Variants in CPNE4 observed in about 807,000 individuals in gnomAD.
CPNE4 encodes the protein copine-4.
In CPNE4, 25 loss-of-function variants were observed where a neutral mutation model predicts 67.9. The ratio of observed to expected loss-of-function variants is 0.37; its 90% CI spans 0.27 to 0.51. CPNE4 has a LOEUF of 0.51. Among genes scored for constraint, CPNE4 ranks in the 20% least tolerant of loss-of-function variants. The pLI, the probability that CPNE4 is intolerant of heterozygous loss-of-function variation, is 0.93. For missense variants in CPNE4, 464 were observed against 690.8 expected, an observed-to-expected ratio of 0.67 and a Z score of 3.68; for synonymous variants, 242 against 244.9, an observed-to-expected ratio of 0.99 and a Z score of 0.11.
chr3:131,653,268 C>T (rs1004603001), intron 7 of CPNE4, among the ~76,000 whole-genome samples: 4 of 151,840 alleles, frequency 2.6e-5, no homozygotes, highest in Non-Finnish European at 5.9e-5. Context: ...CCTCAGCCTC[C>T]TGAGTAGCTG....
intron 2 of CPNE4, among the ~76,000 whole-genome samples, chr3:131,851,461 A>T (rs1485763892): frequency 6.6e-6 from 1 of 152,042 alleles, no homozygotes; most frequent in Non-Finnish European, 1.5e-5. Context: ...TAGGACCATT[A>T]CCCTCCAAAT....
Position 131,689,498 on chromosome 3 carries a change from AC to A in CPNE4, c.508-3541del, listed in dbSNP as rs897837493. ...GGAAAAAAGGTTTTGATAAGATCCAACATCCCTTCATGATAAAAACCCTCAA... is the reference window on the plus strand; with the variant it reads ...GGAAAAAAGGTTTTGATAAGATCCAAATCCCTTCATGATAAAAACCCTCAA... On this transcript the variant is annotated intron_variant, in intron 5 of 15. Transcript: ENST00000429747. Among the ~76,000 whole-genome samples the A allele has an allele frequency of 9.8e-5, 15 of 152,306 alleles. 1 individual carries two copies. Among genetic ancestry groups the A allele is most frequent in the Admixed American group, 6.5e-4 (10 of 15,286 alleles).
At chr3:131,890,421 A>T (rs981346099) in intron 2 of CPNE4, among the ~76,000 whole-genome samples, 209 of 147,836 alleles carry the variant, frequency 1.4e-3, no homozygotes, top group African/African-American at 4.9e-3. Flanking sequence ...AGGCATTATT[A>T]TTTTTTTTTT....
chr3:131,762,555 T>C (rs1036006852), intron 2 of CPNE4, among the ~76,000 whole-genome samples: 1 of 151,910 alleles, frequency 6.6e-6, no homozygotes, highest in Admixed American at 6.6e-5. Flanking sequence ...TTGCTGAAGA[T>C]AGAACAGTGA....
At position 131,786,037 on chromosome 3, in the gene CPNE4, C is replaced by T. The variant is rs927909967; in HGVS notation, c.181-62412G>A. On this transcript the variant is annotated intron_variant, in intron 2 of 15. Coordinates refer to ENST00000429747, the MANE Select transcript of CPNE4 (RefSeq NM_130808.3). ...TTCCATATCTATGGAGGGGCTTAAC[C>T]GCAAGGCCCAAAGCCTCTTCTCTTG... Among the ~76,000 whole-genome samples, 7 of 151,910 alleles carry T rather than the reference C, an allele frequency of 4.6e-5. No individual in the cohort carries two copies. In the South Asian group the frequency reaches 6.2e-4, roughly 14 times the overall value.
intron 2 of CPNE4, among the ~76,000 whole-genome samples, chr3:131,775,289 C>G (rs1005595602): frequency 1.3e-5 from 2 of 152,004 alleles, no homozygotes; most frequent in African/African-American, 4.8e-5. Context: ...TTCTTTAAAA[C>G]TTTTGACTTT....
intron 1 of CPNE4, among the ~76,000 whole-genome samples, chr3:131,953,031 T>C (rs986345421): frequency 1.4e-4 from 21 of 150,514 alleles, no homozygotes; most frequent in South Asian, 2.1e-4. Context: ...GTTAAACAGA[T>C]GCTTGAAGGC....
chr3:131,585,027 G>A (rs1938084726), intron 8 of CPNE4, among the ~76,000 whole-genome samples: 1 of 152,092 alleles, frequency 6.6e-6, no homozygotes, highest in Non-Finnish European at 1.5e-5. Context: ...ATCACACCAA[G>A]CTCAGCCCTG....
rs527901323 is a variant in CPNE4 at position 131,634,141 on chromosome 3, TAAA to T, written c.681+35531_681+35533del. 6.8e-3 allele frequency among the ~76,000 whole-genome samples: 1,042 copies of T among 152,268 alleles called. 12 individuals carry two copies. The highest frequency in any genetic ancestry group is 0.024 in the African/African-American group (997 of 41,570). The stretch of plus-strand genomic sequence containing the variant: ...ATACTGCAACCCTTGGTACATTTAA[TAAA>T]AATATACTCTTATTCTTTATCTTAC... On this transcript the variant is annotated intron_variant, in intron 7 of 15. Transcript: ENST00000429747.
At chr3:131,546,836 C>A (rs1262810869) in intron 14 of CPNE4, among the ~76,000 whole-genome samples, 36 of 152,158 alleles carry the variant, frequency 2.4e-4, no homozygotes, top group Admixed American at 2.4e-3. Flanking sequence ...GCCTTGGATG[C>A]TCTTGAGGAT....
intron 7 of CPNE4, among the ~76,000 whole-genome samples, chr3:131,627,193 C>CAAAAAAAAAAAAA (rs57977015): frequency 4.4e-5 from 3 of 68,286 alleles, no homozygotes; most frequent in Non-Finnish European, 7.0e-5. Context: ...GACTCCATCT[C>CAAAAAAAAAAAAA]AAAAAAAAAA....
chr3:132,019,194 A>G (rs922161257), intron 1 of CPNE4, among the ~76,000 whole-genome samples: 2 of 152,226 alleles, frequency 1.3e-5, no homozygotes, highest in Non-Finnish European at 1.5e-5. Context: ...AGCCAGGAAC[A>G]ATATTTACAA....
At chr3:131,815,022 G>T (rs1028628046) in intron 2 of CPNE4, among the ~76,000 whole-genome samples, 1 of 152,196 alleles carries the variant, frequency 6.6e-6, no homozygotes, top group South Asian at 2.1e-4. Flanking sequence ...TAAGAGACTG[G>T]TTGGTCTGGT....
At chr3:131,946,998 G>A (rs1170145925) in intron 1 of CPNE4, among the ~76,000 whole-genome samples, 1 of 152,154 alleles carries the variant, frequency 6.6e-6, no homozygotes, top group Non-Finnish European at 1.5e-5. Context: ...CTCTTGTCAA[G>A]AATCAATTGG....
chr3:131,898,881 G>T (rs1307663535), intron 2 of CPNE4, among the ~76,000 whole-genome samples: 1 of 151,864 alleles, frequency 6.6e-6, no homozygotes, highest in Non-Finnish European at 1.5e-5. Context: ...TGTGTTAAGG[G>T]GGAGGTATAA....
chr3:131,592,303 G>A (rs578224261), intron 7 of CPNE4, among the ~76,000 whole-genome samples: 13 of 152,152 alleles, frequency 8.5e-5, no homozygotes, highest in Non-Finnish European at 1.8e-4. Context: ...AGGAAACTGA[G>A]GCACAGAAAG....
chr3:131,776,646 C>G (rs1281617160), intron 2 of CPNE4, among the ~76,000 whole-genome samples: 1 of 152,108 alleles, frequency 6.6e-6, no homozygotes, highest in Admixed American at 6.6e-5. Flanking sequence ...GGGGAAAACA[C>G]TGAACAAAAC....
At chr3:131,803,273 G>A (rs1021557013) in intron 2 of CPNE4, among the ~76,000 whole-genome samples, 4 of 152,194 alleles carry the variant, frequency 2.6e-5, no homozygotes, top group African/African-American at 9.6e-5. Context: ...GATGTTGCCA[G>A]TATCATATTT....
intron 2 of CPNE4, among the ~76,000 whole-genome samples, chr3:131,819,541 C>T (rs999240907): frequency 9.3e-5 from 14 of 150,140 alleles, no homozygotes; most frequent in African/African-American, 3.4e-4. Context: ...TTCCTTAAAA[C>T]CAAATCCTGC....
Sources: gnomAD v4.1 joint callset for allele counts (sites outside exome capture counted in the v4.1 genomes callset) on GRCh38, gnomAD v4.1.1 for gene constraint, MANE v1.5 for transcripts, NCBI Gene and HGNC (gene_info 2026-07-23, HGNC 2026-07-21) for gene names.